The following PLPPR1 variants were observed in gnomAD, a reference collection of about 807,000 sequenced individuals.
PLPPR1 encodes phospholipid phosphatase related 1, also known as phospholipid phosphatase-related protein type 1.
PLPPR1 carries 10 observed loss-of-function variants against 33.1 expected under a neutral mutation model. That is an observed-to-expected ratio of 0.30 (90% CI 0.19 to 0.51). The LOEUF (loss-of-function observed/expected upper bound fraction) is 0.51. Among genes scored for constraint, PLPPR1 ranks in the 20% least tolerant of loss-of-function variants. PLPPR1 has a pLI of 0.97. For missense variants in PLPPR1, 304 were observed against 408.1 expected, an observed-to-expected ratio of 0.74 and a Z score of 2.20; for synonymous variants, 151 against 151.0, an observed-to-expected ratio of 1.00 and a Z score of 0.00.
intron 1 of PLPPR1, among the ~76,000 whole-genome samples, chr9:101,050,056 C>T (rs1356446635): frequency 1.5e-5 from 2 of 132,456 alleles, no homozygotes; most frequent in South Asian, 2.7e-4. Flanking sequence ...ACCTGGGAGG[C>T]GGAGGTTGCA....
intron 2 of PLPPR1, among the ~76,000 whole-genome samples, chr9:101,214,609 C>A (rs1225071016): frequency 6.6e-6 from 1 of 152,114 alleles, no homozygotes; most frequent in Admixed American, 6.5e-5. Context: ...TAATTCACAC[C>A]TTTAATTCTA....
intron 2 of PLPPR1, among the ~76,000 whole-genome samples, chr9:101,186,145 T>A (rs1460584707): frequency 1.3e-5 from 2 of 151,878 alleles, no homozygotes; most frequent in African/African-American, 4.8e-5. Flanking sequence ...TTTGGTTAAA[T>A]TTCCTGAACT....
rs112491040 is a variant in PLPPR1 at position 101,072,036 on chromosome 9, C to T, written c.-46+42934C>T. ...TGGAACGTGGTGTTTGGAGAAGATA[C>T]ACATGATTTCAGTATGGACAATGGG... is the stretch of plus-strand genomic sequence containing the variant. On this transcript the variant is annotated intron_variant, in intron 1 of 7. Transcript: ENST00000374874. 1.5e-3 allele frequency among the ~76,000 whole-genome samples: 231 copies of T among 152,232 alleles called. 2 individuals carry two copies. Among genetic ancestry groups the T allele is most frequent in the African/African-American group, 5.4e-3 (223 of 41,556 alleles).
At chr9:101,284,011 C>CT (rs1328667182) in intron 3 of PLPPR1, among the ~76,000 whole-genome samples, 2 of 152,004 alleles carry the variant, frequency 1.3e-5, no homozygotes, top group Non-Finnish European at 2.9e-5. Context: ...AAAGGGAACA[C>CT]TTGCACATTG....
At chr9:101,259,931 A>G (rs1170956381) in intron 2 of PLPPR1, among the ~76,000 whole-genome samples, 1 of 152,176 alleles carries the variant, frequency 6.6e-6, no homozygotes, top group Non-Finnish European at 1.5e-5. Flanking sequence ...TTTGTCCACA[A>G]GGCAATTCCT....
intron 1 of PLPPR1, among the ~76,000 whole-genome samples, chr9:101,175,055 A>G (rs931107878): frequency 2.6e-5 from 4 of 152,172 alleles, no homozygotes; most frequent in Non-Finnish European, 5.9e-5. Flanking sequence ...TAGACCTGGC[A>G]TTGTTTTTAG....
At chr9:101,242,446 T>G (rs113489249) in intron 2 of PLPPR1, among the ~76,000 whole-genome samples, 22 of 152,126 alleles carry the variant, frequency 1.4e-4, no homozygotes, top group African/African-American at 5.3e-4. Flanking sequence ...TGCTCTCAAT[T>G]CTATTACAGT....
rs115941996 is a variant in PLPPR1 at position 101,311,957 on chromosome 9, A to T, written c.637-841A>T. On this transcript the variant is annotated intron_variant, in intron 5 of 7. Transcript: ENST00000374874. The stretch of plus-strand genomic sequence containing the variant: ...AGGCATGGCTTCCTAACTCTAAACC[A>T]CCAGGGACACATTTGCTAACTGAAC... Among the ~76,000 whole-genome samples, 1,087 of 152,278 alleles carry T rather than the reference A, an allele frequency of 7.1e-3. 9 individuals carry two copies. Among genetic ancestry groups the T allele is most frequent in the African/African-American group, 0.025 (1,055 of 41,554 alleles).
At chr9:101,266,452 A>AGAGTTTCTG (rs796279616) in intron 2 of PLPPR1, among the ~76,000 whole-genome samples, 6 of 152,032 alleles carry the variant, frequency 3.9e-5, no homozygotes, top group African/African-American at 1.4e-4. Flanking sequence ...ATTACAAGGA[A>AGAGTTTCTG]GAGTTTCTGG....
At chr9:101,113,420 A>C (rs942528978) in intron 1 of PLPPR1, among the ~76,000 whole-genome samples, 1 of 152,202 alleles carries the variant, frequency 6.6e-6, no homozygotes, top group Non-Finnish European at 1.5e-5. Flanking sequence ...ATATATAACT[A>C]TTATTTATGT....
chr9:101,181,726 GGTGT>G (rs1197315609), intron 1 of PLPPR1, among the ~76,000 whole-genome samples: 81 of 65,606 alleles, frequency 1.2e-3, no homozygotes, highest in Admixed American at 4.3e-3. Flanking sequence ...ACTATTTGGG[GGTGT>G]GTGTGTGTAT....
chr9:101,121,947 T>C (rs1181975430), intron 1 of PLPPR1, among the ~76,000 whole-genome samples: 6 of 152,218 alleles, frequency 3.9e-5, no homozygotes, highest in African/African-American at 1.4e-4. Context: ...TTCATTAATA[T>C]GTAGTTTAAA....
rs1464519701 is a variant in PLPPR1, at chr9:101,164,581, T to A, written c.-45-20869T>A. 4.6e-5 allele frequency among the ~76,000 whole-genome samples: 7 copies of A among 152,116 alleles called. No homozygotes were observed. In the East Asian group the frequency reaches 1.4e-3, roughly 29 times the overall value. On this transcript the variant is annotated intron_variant, in intron 1 of 7. Coordinates refer to ENST00000374874, the MANE Select transcript of PLPPR1 (RefSeq NM_207299.2). ...CAGGGTTTTGCCATGTTGGCTAGAC[T>A]GGTCTCGAACTCCTGGCCTCAAGTG...
intron 2 of PLPPR1, among the ~76,000 whole-genome samples, chr9:101,245,110 G>C (rs1013108879): frequency 1.3e-5 from 2 of 152,030 alleles, no homozygotes; most frequent in Admixed American, 1.3e-4. Context: ...ACAATTTGGT[G>C]TTATCTTACA....
intron 1 of PLPPR1, among the ~76,000 whole-genome samples, chr9:101,146,626 G>A (rs145539581): frequency 1.3e-5 from 2 of 152,294 alleles, no homozygotes; most frequent in Non-Finnish European, 2.9e-5. Context: ...TTCCAAGCAC[G>A]AAGTGCAGAA....
chr9:101,270,426 T>C (rs1467030022), intron 3 of PLPPR1, among the ~76,000 whole-genome samples: 1 of 152,232 alleles, frequency 6.6e-6, no homozygotes, highest in Non-Finnish European at 1.5e-5. Flanking sequence ...ATTCTGAATG[T>C]AAGTGCTGGC....
intron 1 of PLPPR1, among the ~76,000 whole-genome samples, chr9:101,183,327 A>T (rs1826150002): frequency 6.6e-6 from 1 of 151,880 alleles, no homozygotes; most frequent in South Asian, 2.1e-4. Flanking sequence ...TTCGGCAGTT[A>T]AAAGGAAAAA....
chr9:101,283,137 A>G (rs529316025), intron 3 of PLPPR1, among the ~76,000 whole-genome samples: 1 of 152,282 alleles, frequency 6.6e-6, no homozygotes, highest in South Asian at 2.1e-4. Context: ...ACACCCAGCT[A>G]TCAATGATAT....
rs950312704 is a variant in PLPPR1 at position 101,292,055 on chromosome 9, C to A, written c.385+5819C>A. ...TTGAAAACTTTGAAAAAAATGTAGA[C>A]GAATATATAACTAGAATAACCAATA... is the stretch of plus-strand genomic sequence containing the variant. On this transcript the variant is annotated intron_variant, in intron 4 of 7. Coordinates refer to ENST00000374874, the MANE Select transcript of PLPPR1 (RefSeq NM_207299.2). Among the ~76,000 whole-genome samples, 4 of 151,962 alleles carry A rather than the reference C, an allele frequency of 2.6e-5. 1 individual carries two copies. Among genetic ancestry groups the A allele is most frequent in the Admixed American group, 2.6e-4 (4 of 15,244 alleles).
Sources: allele counts gnomAD v4.1 joint callset (sites outside exome capture counted in the v4.1 genomes callset), GRCh38; gene constraint gnomAD v4.1.1; transcripts MANE v1.5; gene names NCBI Gene and HGNC (gene_info 2026-07-23, HGNC 2026-07-21).